Variants in ROR2 observed in about 807,000 individuals in gnomAD.
The protein encoded by ROR2 is tyrosine-protein kinase transmembrane receptor ROR2.
ROR2 carries 33 observed loss-of-function variants against 74.9 expected under a neutral mutation model. The ratio of observed to expected loss-of-function variants is 0.44; its 90% CI spans 0.33 to 0.59. ROR2 has a LOEUF of 0.59. Ranked by LOEUF, ROR2 falls within the 20% of genes least tolerant of loss-of-function variation. ROR2 has a pLI of 0.02. For synonymous variants in ROR2, 586 were observed against 558.7 expected, an observed-to-expected ratio of 1.05 and a Z score of -0.69; for missense variants, 1,216 against 1,313.8, an observed-to-expected ratio of 0.93 and a Z score of 1.15.
At chr9:91,786,351 TAAGTA>T (rs1025139286) in intron 1 of ROR2, among the ~76,000 whole-genome samples, 50 of 79,320 alleles carry the variant, frequency 6.3e-4, no homozygotes, top group African/African-American at 1.6e-3. Context: ...AATCAATCAA[TAAGTA>T]AATAAATAAA....
Position 91,842,713 on chromosome 9 carries a change from G to T in ROR2, c.98-66895C>A, listed in dbSNP as rs146440003. ...CACCTCTGGAATCAGAGGGCAGCAG[G>T]CAGGAGGTGCCAGGGCTCCTGCCAC... On this transcript the variant is annotated intron_variant, in intron 1 of 8. Transcript: ENST00000375708. Among the ~76,000 whole-genome samples, 594 of 152,352 alleles carry T rather than the reference G, an allele frequency of 3.9e-3. 5 individuals are homozygous for T. The highest frequency in any genetic ancestry group is 0.013 in the African/African-American group (561 of 41,580).
At chr9:91,814,898 C>A (rs1198923052) in intron 1 of ROR2, among the ~76,000 whole-genome samples, 2 of 152,224 alleles carry the variant, frequency 1.3e-5, no homozygotes, top group Admixed American at 1.3e-4. Flanking sequence ...CCAGGCCCGG[C>A]TGGTTTCCAC....
Position 91,723,796 on chromosome 9 carries a change from C to G in ROR2, c.2698G>C (p.Ala900Pro). The G allele has an allele frequency of 6.2e-7, 1 of 1,613,774 alleles. No homozygotes were observed. Among genetic ancestry groups the G allele is most frequent in the Non-Finnish European group, 8.5e-7 (1 of 1,180,022 alleles). ...LSEGADDTQN[A>P]PEDGAQSTVQ... ...GTGCTCTGGGCCCCATCTTCTGGGG[C>G]GTTCTGTGTGTCATCAGCGCCCTCT... Residue 900 changes from alanine (A) to proline (P), a missense_variant, in exon 9 of 9, where the codon GCC (alanine) becomes CCC (proline). Coordinates refer to ENST00000375708, the MANE Select transcript of ROR2 (RefSeq NM_004560.4).
chr9:91,848,864 T>A (rs1344389586), intron 1 of ROR2, among the ~76,000 whole-genome samples: 2 of 152,100 alleles, frequency 1.3e-5, no homozygotes, highest in Non-Finnish European at 2.9e-5. Flanking sequence ...TTTATACTAT[T>A]ATCCAGGTAG....
At chr9:91,769,880 G>A (rs1042471094) in intron 2 of ROR2, among the ~76,000 whole-genome samples, 4 of 152,164 alleles carry the variant, frequency 2.6e-5, no homozygotes, top group Admixed American at 6.5e-5. Context: ...ATACTGGGAC[G>A]TTTTCAGAGA....
intron 1 of ROR2, among the ~76,000 whole-genome samples, chr9:91,789,598 T>C (rs1464986549): frequency 6.6e-6 from 1 of 152,200 alleles, no homozygotes; most frequent in Non-Finnish European, 1.5e-5. Flanking sequence ...AAAATTTTTG[T>C]ATGCTACCAA....
chr9:91,799,499 C>G (rs1281832411), intron 1 of ROR2, among the ~76,000 whole-genome samples: 2 of 152,194 alleles, frequency 1.3e-5, no homozygotes, highest in Non-Finnish European at 2.9e-5. Context: ...GTCCAGCCAT[C>G]AACTCTGTGC....
intron 2 of ROR2, among the ~76,000 whole-genome samples, chr9:91,771,081 C>G (rs1236301830): frequency 6.6e-6 from 1 of 152,212 alleles, no homozygotes; most frequent in Non-Finnish European, 1.5e-5. Flanking sequence ...GTAACCCAGG[C>G]ACTGGTTTCA....
chr9:91,748,066 A>G (rs1441310533), intron 4 of ROR2, among the ~76,000 whole-genome samples: 3 of 152,230 alleles, frequency 2.0e-5, no homozygotes, highest in Admixed American at 2.0e-4. Context: ...GTTCGAGATC[A>G]GCCTGGCCAA....
intron 4 of ROR2, among the ~76,000 whole-genome samples, chr9:91,743,074 T>C (rs537087810): frequency 4.6e-5 from 7 of 152,306 alleles, no homozygotes; most frequent in African/African-American, 1.7e-4. Flanking sequence ...CACTCTATGA[T>C]GTCCCTACAA....
chr9:91,756,156 A>G, intron 3 of ROR2, 55 bp from the exon 4 acceptor site: 2 of 1,576,190 alleles, frequency 1.3e-6, no homozygotes, highest in Admixed American at 1.7e-5. Flanking sequence ...TTGGAATACA[A>G]CCTTCTTCAA....
At chr9:91,861,876 C>T (rs191784501) in intron 1 of ROR2, among the ~76,000 whole-genome samples, 73 of 152,168 alleles carry the variant, frequency 4.8e-4, no homozygotes, top group East Asian at 3.1e-3. Context: ...ATATAAAGAA[C>T]GCTGTTATGG....
At chr9:91,847,401 C>A (rs940610379) in intron 1 of ROR2, among the ~76,000 whole-genome samples, 3 of 152,230 alleles carry the variant, frequency 2.0e-5, no homozygotes, top group African/African-American at 7.2e-5. Flanking sequence ...CCCTCGACGC[C>A]CCCTTGCTCC....
chr9:91,845,697 C>A (rs1176788278), intron 1 of ROR2, among the ~76,000 whole-genome samples: 1 of 151,884 alleles, frequency 6.6e-6, no homozygotes. Flanking sequence ...GCCTGGCCAA[C>A]ATGGCGAAAC....
chr9:91,762,080 G>A (rs750687670), intron 2 of ROR2, among the ~76,000 whole-genome samples: 10 of 152,036 alleles, frequency 6.6e-5, no homozygotes, highest in African/African-American at 1.9e-4. Context: ...ACCAAACCCC[G>A]GTGTTTCAGT....
intron 1 of ROR2, among the ~76,000 whole-genome samples, chr9:91,910,897 CAT>C (rs1486091755): frequency 2.6e-5 from 4 of 152,152 alleles, no homozygotes; most frequent in Non-Finnish European, 4.4e-5. Context: ...CTCCTGACCT[CAT>C]ATGATCTGCC....
At chr9:91,841,596 C>A (rs912860721) in intron 1 of ROR2, among the ~76,000 whole-genome samples, 1 of 152,236 alleles carries the variant, frequency 6.6e-6, no homozygotes, top group Non-Finnish European at 1.5e-5. Context: ...GTGAAAAAGT[C>A]TGTAAATGTG....
intron 8 of ROR2, 123 bp downstream of exon 8, chr9:91,726,418 C>T (rs1410044224): frequency 2.7e-5 from 26 of 965,672 alleles, no homozygotes; most frequent in African/African-American, 1.3e-4. Context: ...CAAAATGAAG[C>T]GGAGTTTAAA....
At chr9:91,906,406 C>G (rs906374765) in intron 1 of ROR2, among the ~76,000 whole-genome samples, 4 of 152,192 alleles carry the variant, frequency 2.6e-5, no homozygotes, top group African/African-American at 7.2e-5. Context: ...GTGGCTCTGC[C>G]GTCTCAGCTC....
Sources: gnomAD v4.1 joint callset for allele counts (sites outside exome capture counted in the v4.1 genomes callset) on GRCh38, gnomAD v4.1.1 for gene constraint, MANE v1.5 for transcripts, NCBI Gene and HGNC (gene_info 2026-07-23, HGNC 2026-07-21) for gene names.